MAGI1: variants seen among roughly 807,000 people sequenced by gnomAD.
MAGI1 encodes membrane-associated guanylate kinase, WW and PDZ domain-containing protein 1.
Under a neutral mutation model 139.9 loss-of-function variants are expected in MAGI1, and 58 were observed. The observed-to-expected ratio is 0.41, with a 90% CI of 0.34 to 0.52. MAGI1 has a LOEUF of 0.52. MAGI1 is among the 20% of genes least tolerant of loss of function. The probability of loss-of-function intolerance (pLI) is 0.12; values close to 1 mark genes in which losing one functional copy is unlikely to be tolerated. For synonymous variants in MAGI1, 812 were observed against 737.9 expected (o/e 1.10, Z -1.63); for missense variants, 1,874 against 1,901.6 (o/e 0.99, Z 0.27).
At chr3:65,467,042 C>T (rs922848441) in intron 5 of MAGI1, among the ~76,000 whole-genome samples, 1 of 152,186 alleles carries the variant, frequency 6.6e-6, no homozygotes, top group African/African-American at 2.4e-5. Context: ...TTCTGGGTTG[C>T]TGGCTCTTTA....
chr3:65,426,588 A>G (rs970360913), intron 12 of MAGI1, among the ~76,000 whole-genome samples: 1 of 152,176 alleles, frequency 6.6e-6, no homozygotes, highest in Non-Finnish European at 1.5e-5. Flanking sequence ...AGAATCGGTA[A>G]AGTGGGCATT....
intron 1 of MAGI1, among the ~76,000 whole-genome samples, chr3:65,848,918 T>C (rs2059101771): frequency 6.6e-6 from 1 of 150,772 alleles, no homozygotes; most frequent in Non-Finnish European, 1.5e-5. Flanking sequence ...TGATTGGTTC[T>C]AGCCAGTGAG....
chr3:65,921,954 A>G (rs1021216343), intron 1 of MAGI1, among the ~76,000 whole-genome samples: 1 of 148,640 alleles, frequency 6.7e-6, no homozygotes, highest in African/African-American at 2.5e-5. Flanking sequence ...ACACACACAC[A>G]CTACACAAAA....
intron 1 of MAGI1, among the ~76,000 whole-genome samples, chr3:65,899,378 C>T (rs1285334434): frequency 2.0e-5 from 3 of 152,158 alleles, no homozygotes; most frequent in East Asian, 3.8e-4. Flanking sequence ...ACAATTCTTA[C>T]TAATAACATG....
chr3:65,382,020 C>T lies in MAGI1; in HGVS notation c.2558G>A (p.Arg853His), dbSNP rs375197593. ...GATTAATTCATCTCCAGACCTCAGG[C>T]GGCCGTCAGTATCAGCAGCACCCAG... ...VPLGAADTDG[R>H]LRSGDELICV... The change falls in exon 16 of 23, where the codon CGC (arginine) becomes CAC (histidine). Residue 853 changes from arginine (R) to histidine (H), a missense_variant. By Grantham distance (29) the Arg-to-His change is conservative. This residue lies in a region of MAGI1 where 482 missense variants were observed against 509.6 expected (regional missense o/e 0.95). Transcript: ENST00000402939. The T allele has an allele frequency of 2.8e-5, 45 of 1,614,022 alleles. No homozygotes were observed. Among genetic ancestry groups the T allele is most frequent in the East Asian group, 6.7e-5 (3 of 44,860 alleles).
At chr3:65,658,839 C>T (rs952271522) in intron 1 of MAGI1, among the ~76,000 whole-genome samples, 1 of 152,168 alleles carries the variant, frequency 6.6e-6, no homozygotes, top group African/African-American at 2.4e-5. Context: ...ATATTGTGTC[C>T]AGTCTAAATC....
At chr3:66,009,142 C>T (rs1199135575) in intron 1 of MAGI1, 1 of 152,260 alleles carries the variant, frequency 6.6e-6, no homozygotes, top group Non-Finnish European at 1.5e-5. Flanking sequence ...AAAAGAAAAA[C>T]ACACACAAAG....
intron 1 of MAGI1, among the ~76,000 whole-genome samples, chr3:65,824,407 T>C (rs1017101484): frequency 2.0e-5 from 3 of 152,190 alleles, no homozygotes; most frequent in Non-Finnish European, 2.9e-5. Context: ...AATGAACATA[T>C]ACCATTACAT....
chr3:65,572,849 T>C (rs1402756740), intron 2 of MAGI1, among the ~76,000 whole-genome samples: 2 of 151,686 alleles, frequency 1.3e-5, no homozygotes, highest in Admixed American at 6.6e-5. Flanking sequence ...CTACCTTTTT[T>C]CCCCAAAGCA....
intron 1 of MAGI1, among the ~76,000 whole-genome samples, chr3:65,900,315 A>G (rs958580906): frequency 3.3e-5 from 5 of 152,234 alleles, no homozygotes; most frequent in Admixed American, 2.6e-4. Context: ...CTTCAAGATA[A>G]CTTCTCACTC....
At chr3:65,398,782 A>G (rs776692995) in intron 13 of MAGI1, among the ~76,000 whole-genome samples, 9 of 152,118 alleles carry the variant, frequency 5.9e-5, no homozygotes, top group Non-Finnish European at 1.0e-4. Context: ...CCCTGATGTT[A>G]TGAAAGTCCA....
intron 1 of MAGI1, among the ~76,000 whole-genome samples, chr3:66,012,683 T>A (rs56262264): frequency 1.3e-5 from 2 of 151,250 alleles, no homozygotes; most frequent in African/African-American, 2.4e-5. Context: ...GGAGAACAAC[T>A]TGAACCTGGG....
At chr3:65,787,157 T>G (rs1389439457) in intron 1 of MAGI1, among the ~76,000 whole-genome samples, 1 of 152,064 alleles carries the variant, frequency 6.6e-6, no homozygotes, top group Admixed American at 6.6e-5. Flanking sequence ...ACAAAAACTT[T>G]TACTCTAAGC....
chr3:66,021,389 C>T (rs992655084), intron 1 of MAGI1, among the ~76,000 whole-genome samples: 3 of 152,164 alleles, frequency 2.0e-5, no homozygotes, highest in African/African-American at 7.2e-5. Context: ...AACCCTGAAG[C>T]AAGAAAATGA....
chr3:65,740,991 T>G (rs140944795), intron 1 of MAGI1, among the ~76,000 whole-genome samples: 28 of 152,288 alleles, frequency 1.8e-4, no homozygotes, highest in African/African-American at 6.7e-4. Context: ...GGAAATATGA[T>G]TCAATGACAG....
intron 1 of MAGI1, among the ~76,000 whole-genome samples, chr3:65,670,847 A>C (rs1034307690): frequency 2.6e-5 from 4 of 151,788 alleles, no homozygotes; most frequent in African/African-American, 7.2e-5. Flanking sequence ...GCACATATAC[A>C]ACCACATTCA....
intron 1 of MAGI1, among the ~76,000 whole-genome samples, chr3:65,835,139 C>G (rs2042738718): frequency 6.6e-6 from 1 of 152,068 alleles, no homozygotes; most frequent in South Asian, 2.1e-4. Flanking sequence ...TTTTCTGTTT[C>G]TTCTCTGTTT....
intron 2 of MAGI1, among the ~76,000 whole-genome samples, chr3:65,499,276 G>A (rs549004634): frequency 9.9e-5 from 15 of 152,224 alleles, no homozygotes; most frequent in African/African-American, 3.4e-4. Flanking sequence ...GAGTGTCCAC[G>A]AATATGGAAA....
At chr3:65,621,705 G>A (rs1258243226) in intron 2 of MAGI1, among the ~76,000 whole-genome samples, 1 of 152,188 alleles carries the variant, frequency 6.6e-6, no homozygotes, top group Non-Finnish European at 1.5e-5. Flanking sequence ...CATGAAGCTA[G>A]TATTACTAAC....
Sources: allele counts gnomAD v4.1 joint callset (sites outside exome capture counted in the v4.1 genomes callset), GRCh38; gene constraint gnomAD v4.1.1; regional missense constraint gnomAD v4.1.1; transcripts MANE v1.5; gene names NCBI Gene and HGNC (gene_info 2026-07-23, HGNC 2026-07-21).